Variants in EGFL6 observed in about 807,000 individuals in gnomAD.
The protein encoded by EGFL6 is epidermal growth factor-like protein 6.
A neutral mutation model predicts 43.1 loss-of-function variants in EGFL6; 42 were observed. The ratio of observed to expected loss-of-function variants is 0.98; its 90% CI spans 0.76 to 1.26. The LOEUF (loss-of-function observed/expected upper bound fraction) is 1.26, where lower values mean the gene tolerates loss of function less well. Among genes scored for constraint, EGFL6 ranks in the 50% most tolerant of loss-of-function variants. The pLI is 0.00. For synonymous variants in EGFL6, 164 were observed against 163.2 expected, an observed-to-expected ratio of 1.01 and a Z score of -0.04; for missense variants, 429 against 427.8, an observed-to-expected ratio of 1.00 and a Z score of -0.02.
intron 4 of EGFL6, 46 bp from the exon 5 acceptor site, chrX:13,603,271 T>C (rs1470847531): frequency 1.8e-6 from 2 of 1,140,352 alleles, no homozygotes; most frequent in Non-Finnish European, 2.3e-6. Context: ...GTAAGCTCTT[T>C]TTATCATCTC....
At chrX:13,629,255 C>T (rs1288887353) in intron 11 of EGFL6, among the ~76,000 whole-genome samples, 1 of 112,170 alleles carries the variant, frequency 8.9e-6, no homozygotes, top group Non-Finnish European at 1.9e-5. Context: ...GGGACTGTGG[C>T]ACTGAGCCAT....
chrX:13,605,842 A>G (rs1158041122), intron 5 of EGFL6, among the ~76,000 whole-genome samples: 1 of 112,337 alleles, frequency 8.9e-6, no homozygotes, highest in African/African-American at 3.2e-5. Context: ...ATTTATGCAT[A>G]AGTGCATGCC....
At position 13,594,042 on chromosome X, in the gene EGFL6, T is replaced by C. The variant is rs185908812; in HGVS notation, c.188-794T>C. 2.3e-4 allele frequency among the ~76,000 whole-genome samples: 25 copies of C among 110,776 alleles called. No individual in the cohort carries two copies. The East Asian group carries it at 5.9e-3, about 26-fold the overall frequency. Reference sequence around the variant, plus strand: ...TCCTTGATACCCTAAAAGTCTCCTTTCTCTCTCATATATTATATCCTCTCC... The same window carrying C: ...TCCTTGATACCCTAAAAGTCTCCTTCCTCTCTCATATATTATATCCTCTCC... On this transcript the variant is annotated intron_variant, in intron 2 of 11. Transcript: ENST00000361306.
chrX:13,620,777 G>T (rs1048861618), intron 9 of EGFL6, among the ~76,000 whole-genome samples: 1 of 111,620 alleles, frequency 9.0e-6, no homozygotes, highest in Admixed American at 9.5e-5. Context: ...CCCAAGCTCT[G>T]TCTACCCTTG....
chrX:13,617,999 G>A lies in EGFL6; in HGVS notation c.1048G>A (p.Glu350Lys). ...GGGGCTTGAGGATGAGAAAAGAGAA[G>A]AGAAAGCCCTGAAGAATGACATAGA... ...KEGLEDEKRE[E>K]KALKNDIEER... The change falls in exon 8 of 12, where the codon GAG (glutamate) becomes AAG (lysine). Residue 350 changes from glutamate to lysine, a missense_variant. Glu to Lys is a moderately conservative substitution (Grantham distance 56). Coordinates refer to ENST00000361306, the MANE Select transcript of EGFL6 (RefSeq NM_015507.4). The A allele has an allele frequency of 2.5e-6, 3 of 1,211,405 alleles. No homozygotes were observed. The East Asian group carries it at 8.9e-5, about 36-fold the overall frequency.
chrX:13,608,968 G>GGATCCACTTGTTT (rs1282832217), intron 7 of EGFL6, among the ~76,000 whole-genome samples: 3 of 112,549 alleles, frequency 2.7e-5, no homozygotes, highest in African/African-American at 9.7e-5. Context: ...TTGTTTTAAT[G>GGATCCACTTGTTT]TATATAGCAG....
chrX:13,629,153 T>A (rs2045797794), intron 11 of EGFL6, among the ~76,000 whole-genome samples: 1 of 112,627 alleles, frequency 8.9e-6, no homozygotes, highest in Admixed American at 9.4e-5. Flanking sequence ...GAATGACACA[T>A]GCATTAATTT....
At position 13,569,853 on chromosome X, in the gene EGFL6, C is replaced by A. The variant is rs1167877928; in HGVS notation, c.-9C>A. 2 of 1,210,140 alleles carry A rather than the reference C, an allele frequency of 1.7e-6. No homozygotes were observed. Among genetic ancestry groups the A allele is most frequent in the African/African-American group, 3.5e-5 (2 of 57,568 alleles). On this transcript the variant is annotated 5_prime_UTR_variant, in exon 1 of 12. Coordinates refer to ENST00000361306, the MANE Select transcript of EGFL6 (RefSeq NM_015507.4). ...GGGCTCAGGAGGAGGAAGGAGGACCCGTGCGAGAATGCCTCTGCCCTGGAG... is the reference window on the plus strand; with the variant it reads ...GGGCTCAGGAGGAGGAAGGAGGACCAGTGCGAGAATGCCTCTGCCCTGGAG...
chrX:13,577,329 T>C (rs1378946085), intron 1 of EGFL6, among the ~76,000 whole-genome samples: 3 of 16,754 alleles, frequency 1.8e-4, no homozygotes, highest in African/African-American at 5.1e-4. Context: ...TATATATATA[T>C]ATATATATAT....
At chrX:13,605,322 C>T (rs2045653874) in intron 5 of EGFL6, among the ~76,000 whole-genome samples, 1 of 111,170 alleles carries the variant, frequency 9.0e-6, no homozygotes, top group African/African-American at 3.3e-5. Context: ...CCTGTAGTCC[C>T]AGCTATGCTA....
At chrX:13,581,923 T>C (rs1375637472) in intron 1 of EGFL6, among the ~76,000 whole-genome samples, 2 of 111,594 alleles carry the variant, frequency 1.8e-5, no homozygotes, top group Admixed American at 9.5e-5. Context: ...TCCCTGAGCC[T>C]CATATGTGCA....
chrX:13,626,977 T>G (rs2045783877), intron 10 of EGFL6, 34 bp from the exon 11 acceptor site: 4 of 1,192,564 alleles, frequency 3.4e-6, no homozygotes, highest in Admixed American at 2.3e-5. Flanking sequence ...TACAATTGCC[T>G]CATTAATTGT....
Position 13,594,902 on chromosome X carries a change from G to A in EGFL6, c.254G>A (p.Gly85Glu). ...CCAAACAAATGCAGATGCTTTCCAGGATACACCGGGAAAACCTGCAGTCAA... is the reference window on the plus strand; with the variant it reads ...CCAAACAAATGCAGATGCTTTCCAGAATACACCGGGAAAACCTGCAGTCAA... ...VGPNKCRCFP[G>E]YTGKTCSQDV... The change falls in exon 3 of 12, where the codon GGA becomes GAA. Residue 85 changes from glycine (G) to glutamate (E), a missense_variant. Transcript: ENST00000361306. The A allele has an allele frequency of 8.3e-7, 1 of 1,209,659 alleles. No individual in the cohort carries two copies. Among genetic ancestry groups the A allele is most frequent in the Non-Finnish European group, 1.1e-6 (1 of 894,121 alleles).
intron 7 of EGFL6, among the ~76,000 whole-genome samples, chrX:13,612,528 G>C (rs1423798600): frequency 9.4e-6 from 1 of 106,121 alleles, no homozygotes. Context: ...AACCGCCATC[G>C]TCATCATGGC....
At chrX:13,585,813 C>G (rs373082064) in intron 1 of EGFL6, among the ~76,000 whole-genome samples, 13 of 111,335 alleles carry the variant, frequency 1.2e-4, no homozygotes, top group African/African-American at 4.2e-4. Flanking sequence ...TGTCACCTAC[C>G]CTGTGACATT....
At chrX:13,593,944 G>C (rs1446470619) in intron 2 of EGFL6, among the ~76,000 whole-genome samples, 1 of 111,122 alleles carries the variant, frequency 9.0e-6, no homozygotes, top group Non-Finnish European at 1.9e-5. Flanking sequence ...ACCATTCCTG[G>C]GCAATTGCTG....
chrX:13,600,226 G>T, intron 4 of EGFL6, 132 bp downstream of exon 4: 9 of 481,024 alleles, frequency 1.9e-5, no homozygotes, highest in Non-Finnish European at 2.1e-5. Context: ...AAAATGTTTT[G>T]TGGCACTTGT....
intron 10 of EGFL6, among the ~76,000 whole-genome samples, chrX:13,626,375 T>G (rs1157262985): frequency 8.9e-6 from 1 of 112,000 alleles, no homozygotes; most frequent in Non-Finnish European, 1.9e-5. Flanking sequence ...TTTGCCCAAG[T>G]TCATCAAAGC....
chrX:13,580,205 G>C (rs2045497953), intron 1 of EGFL6, among the ~76,000 whole-genome samples: 1 of 111,559 alleles, frequency 9.0e-6, no homozygotes, highest in African/African-American at 3.3e-5. Flanking sequence ...TTAAAGTGCT[G>C]TATTTCCACA....
Sources: gnomAD v4.1 joint callset for allele counts (sites outside exome capture counted in the v4.1 genomes callset) on GRCh38, gnomAD v4.1.1 for gene constraint, MANE v1.5 for transcripts, NCBI Gene and HGNC (gene_info 2026-07-23, HGNC 2026-07-21) for gene names.